Variants in FBXL20 observed in about 807,000 individuals in gnomAD.
FBXL20 encodes the protein F-box and leucine rich repeat protein 20.
Under a neutral mutation model 64.0 loss-of-function variants are expected in FBXL20, and 11 were observed. The ratio of observed to expected loss-of-function variants is 0.17; its 90% CI spans 0.11 to 0.28. FBXL20 has a LOEUF of 0.28. FBXL20 is among the 10% of genes least tolerant of loss of function. The probability of loss-of-function intolerance (pLI) is 1.00; values close to 1 mark genes in which losing one functional copy is unlikely to be tolerated. For synonymous variants in FBXL20, 184 were observed against 189.0 expected, an observed-to-expected ratio of 0.97 and a Z score of 0.22; for missense variants, 303 against 526.2, an observed-to-expected ratio of 0.58 and a Z score of 4.15.
intron 4 of FBXL20, among the ~76,000 whole-genome samples, chr17:39,299,799 C>A (rs779998678): frequency 9.2e-5 from 13 of 140,914 alleles, no homozygotes; most frequent in Non-Finnish European, 1.9e-4. Flanking sequence ...ACAACAACAA[C>A]AACAAAAACA....
intron 6 of FBXL20, among the ~76,000 whole-genome samples, chr17:39,295,190 T>C (rs762857582): frequency 3.9e-5 from 6 of 152,156 alleles, no homozygotes; most frequent in Non-Finnish European, 5.9e-5. Context: ...TACTTCTGTA[T>C]ATGTTTCAAA....
intron 2 of FBXL20, among the ~76,000 whole-genome samples, chr17:39,313,784 C>T (rs369328005): frequency 6.6e-6 from 1 of 151,922 alleles, no homozygotes; most frequent in African/African-American, 2.4e-5. Flanking sequence ...TACAGGCATG[C>T]GCCACCATAC....
intron 1 of FBXL20, among the ~76,000 whole-genome samples, chr17:39,352,699 A>ATT (rs2047699195): frequency 6.7e-6 from 1 of 149,124 alleles, no homozygotes; most frequent in Non-Finnish European, 1.5e-5. Context: ...AAAAAAAAAG[A>ATT]AAAGAAGAAA....
intron 12 of FBXL20, among the ~76,000 whole-genome samples, chr17:39,268,284 T>G (rs1421056327): frequency 6.6e-6 from 1 of 151,998 alleles, no homozygotes; most frequent in Non-Finnish European, 1.5e-5. Context: ...ATCTGGGAGG[T>G]GGAGGTTGCA....
intron 1 of FBXL20, among the ~76,000 whole-genome samples, chr17:39,397,260 C>T (rs1039647663): frequency 1.3e-5 from 2 of 152,118 alleles, no homozygotes; most frequent in Non-Finnish European, 2.9e-5. Context: ...ATATTACATG[C>T]TAGGGTTACA....
At chr17:39,394,242 C>G (rs918218285) in intron 1 of FBXL20, among the ~76,000 whole-genome samples, 2 of 150,790 alleles carry the variant, frequency 1.3e-5, no homozygotes, top group African/African-American at 4.9e-5. Flanking sequence ...TAAAAATACC[C>G]TTCTAAAAAC....
At chr17:39,301,895 CAAAA>C (rs2047139243) in intron 3 of FBXL20, among the ~76,000 whole-genome samples, 1 of 151,744 alleles carries the variant, frequency 6.6e-6, no homozygotes, top group Non-Finnish European at 1.5e-5. Flanking sequence ...AGCAAAAAAA[CAAAA>C]AACAAGACTA....
intron 1 of FBXL20, among the ~76,000 whole-genome samples, chr17:39,369,454 C>A (rs1567899117): frequency 6.6e-6 from 1 of 151,866 alleles, no homozygotes. Context: ...CAGGGTTTCA[C>A]CATGTTGGTC....
chr17:39,267,966 C>T (rs570622800), intron 12 of FBXL20, among the ~76,000 whole-genome samples: 3 of 152,168 alleles, frequency 2.0e-5, no homozygotes, highest in South Asian at 2.1e-4. Flanking sequence ...TGACATATCT[C>T]GCCTTCTTTA....
At chr17:39,346,849 C>T (rs987880425) in intron 1 of FBXL20, among the ~76,000 whole-genome samples, 1 of 139,098 alleles carries the variant, frequency 7.2e-6, no homozygotes. Context: ...CCCCTCCCCC[C>T]ACCCCACAAC....
At chr17:39,401,790 C>T (rs1005653565), upstream of FBXL20, 902 of 928,114 alleles carry the variant, frequency 9.7e-4, 2 homozygotes, top group Non-Finnish European at 1.1e-3. Context: ...CCACACGGGG[C>T]CGGCCCTGAC....
chr17:39,330,746 T>C (rs1343747624), intron 2 of FBXL20, among the ~76,000 whole-genome samples: 1 of 152,216 alleles, frequency 6.6e-6, no homozygotes, highest in African/African-American at 2.4e-5. Context: ...AGAGTGTTTT[T>C]ATTTTTCCTC....
At chr17:39,268,908 C>G (rs1183076979) in intron 11 of FBXL20, 37 bp from the exon 12 acceptor site, 1 of 1,578,586 alleles carries the variant, frequency 6.3e-7, no homozygotes, top group East Asian at 2.2e-5. Flanking sequence ...CATTACAGTA[C>G]AAACATTTAA....
At chr17:39,378,374 G>A (rs955310493) in intron 1 of FBXL20, among the ~76,000 whole-genome samples, 3 of 152,152 alleles carry the variant, frequency 2.0e-5, no homozygotes, top group Non-Finnish European at 2.9e-5. Context: ...CTTGAGAGGC[G>A]TAGGCAGGAA....
At position 39,266,225 on chromosome 17, in the gene FBXL20, T is replaced by A. The variant is rs1167555826; in HGVS notation, c.934-772A>T. On this transcript the variant is annotated intron_variant, in intron 12 of 14. Coordinates refer to ENST00000264658, the MANE Select transcript of FBXL20 (RefSeq NM_032875.3). ...CTGGGATTACAGGCTAGTTTGTTGT[T>A]TTTTTTTTTTTTTGGAGATAGTCTC... Among the ~76,000 whole-genome samples, 8 of 145,436 alleles carry A rather than the reference T, an allele frequency of 5.5e-5. 1 individual carries two copies. In the East Asian group the frequency reaches 1.6e-3, roughly 29 times the overall value.
intron 1 of FBXL20, among the ~76,000 whole-genome samples, chr17:39,386,841 C>T (rs2048086287): frequency 6.6e-6 from 1 of 152,158 alleles, no homozygotes; most frequent in South Asian, 2.1e-4. Context: ...ACTTCCCAGA[C>T]TGATATTGCA....
At position 39,270,797 on chromosome 17, in the gene FBXL20, C is replaced by G; in HGVS notation, c.887G>C (p.Arg296Thr). ...ATGGAACCTAAAGAAAATACTTACC[C>G]TGGCTAGAGTGGTAAAGCCCACATC... ...LTDVGFTTLARNCHELEKMDL... is the reference protein window; with the variant it reads ...LTDVGFTTLATNCHELEKMDL... Residue 296 changes from arginine to threonine, a missense_variant and splice_region_variant, in exon 11 of 15, where the codon AGG becomes ACG. Arg to Thr is a moderately conservative substitution (Grantham distance 71). This residue lies in a region of FBXL20 where 246 missense variants were observed against 422.6 expected (regional missense o/e 0.58). Coordinates refer to ENST00000264658, the MANE Select transcript of FBXL20 (RefSeq NM_032875.3). 2.5e-6 allele frequency: 4 copies of G among 1,608,276 alleles called. No individual in the cohort carries two copies. The highest frequency in any genetic ancestry group is 3.4e-6 in the Non-Finnish European group (4 of 1,177,786).
chr17:39,365,975 GACA>G (rs1476973900), intron 1 of FBXL20, among the ~76,000 whole-genome samples: 1 of 152,066 alleles, frequency 6.6e-6, no homozygotes, highest in Non-Finnish European at 1.5e-5. Context: ...GATACTAAAA[GACA>G]ACAACGGAAT....
chr17:39,320,592 A>ATTT (rs916741667), intron 2 of FBXL20, among the ~76,000 whole-genome samples: 2 of 137,676 alleles, frequency 1.5e-5, no homozygotes, highest in African/African-American at 2.7e-5. Flanking sequence ...TCTAGTATGA[A>ATTT]TTTTTTTTTT....
Sources: allele counts gnomAD v4.1 joint callset (sites outside exome capture counted in the v4.1 genomes callset), GRCh38; gene constraint gnomAD v4.1.1; regional missense constraint gnomAD v4.1.1; transcripts MANE v1.5; gene names NCBI Gene and HGNC (gene_info 2026-07-23, HGNC 2026-07-21).